The following ALG9 variants were observed in gnomAD, a reference collection of about 807,000 sequenced individuals.
The protein encoded by ALG9 is ALG9 alpha-1,2-mannosyltransferase.
In ALG9, 55 loss-of-function variants were observed where a neutral mutation model predicts 81.8. The ratio of observed to expected loss-of-function variants is 0.67; its 90% CI spans 0.54 to 0.84. ALG9 has a LOEUF of 0.84. Among genes scored for constraint, ALG9 ranks in the 40% least tolerant of loss-of-function variants. The pLI, the probability that ALG9 is intolerant of heterozygous loss-of-function variation, is 0.00. For missense variants in ALG9, 629 were observed against 745.0 expected, an observed-to-expected ratio of 0.84 and a Z score of 1.81; for synonymous variants, 278 against 274.3, an observed-to-expected ratio of 1.01 and a Z score of -0.13.
At chr11:111,810,194 C>G (rs1320575830) in intron 13 of ALG9, among the ~76,000 whole-genome samples, 1 of 152,152 alleles carries the variant, frequency 6.6e-6, no homozygotes, top group Non-Finnish European at 1.5e-5. Flanking sequence ...CTCCTCACAG[C>G]CATGGGAGGT....
At chr11:111,825,665 T>C (rs1953112045) in intron 13 of ALG9, among the ~76,000 whole-genome samples, 1 of 152,230 alleles carries the variant, frequency 6.6e-6, no homozygotes, top group Non-Finnish European at 1.5e-5. Flanking sequence ...CTCAGTACAC[T>C]GTTTAATAAC....
chr11:111,844,737 A>C lies in ALG9; in HGVS notation c.896-14T>G. 1.2e-6 allele frequency: 2 copies of C among 1,613,014 alleles called. No individual in the cohort carries two copies. Among genetic ancestry groups the C allele is most frequent in the Non-Finnish European group, 1.7e-6 (2 of 1,179,202 alleles). On this transcript the variant is annotated splice_polypyrimidine_tract_variant and intron_variant, in intron 8 of 14. Transcript: ENST00000616540. ...AGGGTTCTGTACCTGAGGGAGACAT[A>C]AAGGTAAGAAATCATTAGTGGATGC... is the stretch of plus-strand genomic sequence containing the variant.
intron 1 of ALG9, 140 bp from the exon 2 acceptor site, chr11:111,870,510 T>G: frequency 8.6e-7 from 1 of 1,161,524 alleles, no homozygotes; most frequent in South Asian, 1.8e-5. Flanking sequence ...AAAAGGTGAA[T>G]AGCTAGTTGT....
intron 4 of ALG9, among the ~76,000 whole-genome samples, chr11:111,861,738 T>C (rs1960217655): frequency 6.6e-6 from 1 of 152,098 alleles, no homozygotes; most frequent in Non-Finnish European, 1.5e-5. Flanking sequence ...CCTGCCTAAG[T>C]CTCCCAAAGC....
intron 6 of ALG9, 143 bp downstream of exon 6, chr11:111,857,459 G>A: frequency 1.9e-6 from 2 of 1,080,010 alleles, no homozygotes; most frequent in East Asian, 2.6e-5. Context: ...TAAGTGCTAA[G>A]AGAAATATTC....
intron 6 of ALG9, among the ~76,000 whole-genome samples, chr11:111,854,027 CAAAT>C (rs1309215851): frequency 6.6e-6 from 1 of 151,428 alleles, no homozygotes; most frequent in Non-Finnish European, 1.5e-5. Flanking sequence ...CCCACCCTGC[CAAAT>C]AAATAAGTAC....
intron 13 of ALG9, among the ~76,000 whole-genome samples, chr11:111,823,633 T>C (rs2136621486): frequency 6.6e-6 from 1 of 152,334 alleles, no homozygotes; most frequent in South Asian, 2.1e-4. Context: ...GCCTGAAAAA[T>C]TCTGAATTTT....
chr11:111,822,137 TG>T (rs1952499057), intron 13 of ALG9, among the ~76,000 whole-genome samples: 1 of 152,128 alleles, frequency 6.6e-6, no homozygotes, highest in Admixed American at 6.5e-5. Context: ...CTGGGCCCAG[TG>T]GCTCAAACCT....
chr11:111,822,632 G>A (rs1952612582), intron 13 of ALG9, among the ~76,000 whole-genome samples: 1 of 151,864 alleles, frequency 6.6e-6, no homozygotes, highest in Admixed American at 6.6e-5. Context: ...AGAATCACCT[G>A]AGTCCAGGAA....
At chr11:111,819,935 C>A (rs1952070239) in intron 13 of ALG9, among the ~76,000 whole-genome samples, 1 of 152,234 alleles carries the variant, frequency 6.6e-6, no homozygotes, top group Non-Finnish European at 1.5e-5. Flanking sequence ...ACTTCCAACA[C>A]CACGCTGTTC....
intron 13 of ALG9, 24 bp downstream of exon 13, chr11:111,836,140 AG>A: frequency 6.2e-7 from 1 of 1,613,502 alleles, no homozygotes; most frequent in East Asian, 2.2e-5. Context: ...TTTTCAGAGA[AG>A]CAAGAAGAGA....
chr11:111,871,225 G>C, intron 1 of ALG9, 127 bp downstream of exon 1: 2 of 1,312,690 alleles, frequency 1.5e-6, no homozygotes, highest in Non-Finnish European at 1.9e-6. Flanking sequence ...AGCTGAAGAG[G>C]GAGCTCGGGC....
intron 14 of ALG9, among the ~76,000 whole-genome samples, chr11:111,798,780 T>C (rs1948669587): frequency 6.6e-6 from 1 of 152,224 alleles, no homozygotes; most frequent in South Asian, 2.1e-4. Context: ...GTTCTGGTAC[T>C]AGTTGTGTGA....
chr11:111,848,949 G>T (rs1957334043), intron 8 of ALG9, among the ~76,000 whole-genome samples: 1 of 152,072 alleles, frequency 6.6e-6, no homozygotes, highest in South Asian at 2.1e-4. Flanking sequence ...ACACTGTCCT[G>T]TAATTATCTA....
intron 14 of ALG9, among the ~76,000 whole-genome samples, chr11:111,793,786 G>A (rs1055727475): frequency 6.6e-6 from 1 of 150,706 alleles, no homozygotes; most frequent in Admixed American, 6.6e-5. Context: ...AAAGGAAAGA[G>A]CAGTTGTGCA....
the ALG9 span, among the ~76,000 whole-genome samples, chr11:111,770,291 T>G: frequency 5.9e-3 from 905 of 152,314 alleles, 11 homozygotes; most frequent in African/African-American, 0.021. Context: ...GTGATTCTAG[T>G]GTGCATTGAT....
chr11:111,804,056 C>G (rs11828451), intron 14 of ALG9, among the ~76,000 whole-genome samples: 1 of 150,288 alleles, frequency 6.7e-6, no homozygotes, highest in Non-Finnish European at 1.5e-5. Context: ...TCGCTTGAAC[C>G]TGGGAGGTGG....
rs1025535351 is a variant in ALG9 at position 111,844,265 on chromosome 11, A to T, written c.1018+336T>A. Among the ~76,000 whole-genome samples the T allele has an allele frequency of 2.0e-4, 31 of 152,070 alleles. 2 individuals carry two copies. The highest frequency in any genetic ancestry group is 1.7e-3 in the Admixed American group (26 of 15,268). On this transcript the variant is annotated intron_variant, in intron 9 of 14. Coordinates refer to ENST00000616540, the MANE Select transcript of ALG9 (RefSeq NM_024740.2). ...GTGATCCACCCGCCTCGGCCTCCCAAAGTGCTGGGATTACAGATGTCAGCC... is the reference window on the plus strand; with the variant it reads ...GTGATCCACCCGCCTCGGCCTCCCATAGTGCTGGGATTACAGATGTCAGCC...
intron 6 of ALG9, among the ~76,000 whole-genome samples, chr11:111,855,171 G>C (rs573108906): frequency 6.6e-6 from 1 of 152,276 alleles, no homozygotes; most frequent in East Asian, 1.9e-4. Context: ...ATATTTTAGG[G>C]TCTGCAGGCC....
Sources: gnomAD v4.1 joint callset for allele counts (sites outside exome capture counted in the v4.1 genomes callset) on GRCh38, gnomAD v4.1.1 for gene constraint, MANE v1.5 for transcripts, NCBI Gene and HGNC (gene_info 2026-07-23, HGNC 2026-07-21) for gene names.